Variants in CAMKMT observed in about 807,000 individuals in gnomAD.
CAMKMT encodes the protein calmodulin-lysine N-methyltransferase.
In CAMKMT, 53 loss-of-function variants were observed where a neutral mutation model predicts 48.0. That is an observed-to-expected ratio of 1.10 (90% CI 0.89 to 1.39). The LOEUF (loss-of-function observed/expected upper bound fraction) is 1.39. CAMKMT is among the 40% of genes most tolerant of loss of function. The pLI is 0.00. For synonymous variants in CAMKMT, 165 were observed against 152.3 expected (o/e 1.08, Z -0.61); for missense variants, 428 against 402.7 (o/e 1.06, Z -0.54).
intron 3 of CAMKMT, among the ~76,000 whole-genome samples, chr2:44,584,797 G>T (rs966873245): frequency 6.6e-6 from 1 of 152,096 alleles, no homozygotes; most frequent in Admixed American, 6.5e-5. Context: ...GCTCACACCT[G>T]TAATCCCAGC....
At chr2:44,639,923 C>T (rs967763044) in intron 3 of CAMKMT, among the ~76,000 whole-genome samples, 2 of 152,158 alleles carry the variant, frequency 1.3e-5, no homozygotes, top group Non-Finnish European at 2.9e-5. Flanking sequence ...AACAGCTACC[C>T]TTGACCCCAT....
At chr2:44,738,101 G>A (rs370299543) in intron 7 of CAMKMT, among the ~76,000 whole-genome samples, 10 of 151,986 alleles carry the variant, frequency 6.6e-5, no homozygotes, top group South Asian at 6.2e-4. Context: ...TGATCCACCC[G>A]CCTCAGCCTC....
intron 3 of CAMKMT, among the ~76,000 whole-genome samples, chr2:44,405,321 G>T (rs538907841): frequency 1.3e-5 from 2 of 152,160 alleles, no homozygotes; most frequent in African/African-American, 4.8e-5. Context: ...TAATGGAATT[G>T]TTGGATAAAT....
chr2:44,645,988 A>C (rs1673709189), intron 3 of CAMKMT, among the ~76,000 whole-genome samples: 1 of 152,238 alleles, frequency 6.6e-6, no homozygotes, highest in Non-Finnish European at 1.5e-5. Context: ...ACATTATAGC[A>C]ACACTTATGA....
chr2:44,647,188 A>G (rs1673781852), intron 3 of CAMKMT, among the ~76,000 whole-genome samples: 1 of 152,156 alleles, frequency 6.6e-6, no homozygotes, highest in Non-Finnish European at 1.5e-5. Context: ...AATTGTCAAC[A>G]TTCCTGTGGT....
intron 3 of CAMKMT, among the ~76,000 whole-genome samples, chr2:44,442,348 C>T (rs971944905): frequency 1.3e-5 from 2 of 152,032 alleles, no homozygotes; most frequent in South Asian, 2.1e-4. Flanking sequence ...AAATTATATA[C>T]ATAAAAATGA....
At chr2:44,401,591 G>C (rs1682381868) in intron 3 of CAMKMT, among the ~76,000 whole-genome samples, 1 of 151,918 alleles carries the variant, frequency 6.6e-6, no homozygotes, top group South Asian at 2.1e-4. Flanking sequence ...TAGCTACATT[G>C]CTTCACCAAT....
At chr2:44,589,387 C>T (rs1438501991) in intron 3 of CAMKMT, among the ~76,000 whole-genome samples, 5 of 53,314 alleles carry the variant, frequency 9.4e-5, no homozygotes, top group African/African-American at 3.9e-4. Flanking sequence ...GGAGGTGTGC[C>T]CAGCGGCTCA....
chr2:44,745,935 A>G (rs527831292), intron 8 of CAMKMT, among the ~76,000 whole-genome samples: 3 of 152,192 alleles, frequency 2.0e-5, no homozygotes, highest in Admixed American at 6.5e-5. Flanking sequence ...GAGTTATTGC[A>G]TGGATGCTGC....
At chr2:44,443,391 A>T (rs1666789183) in intron 3 of CAMKMT, among the ~76,000 whole-genome samples, 1 of 152,180 alleles carries the variant, frequency 6.6e-6, no homozygotes, top group Non-Finnish European at 1.5e-5. Context: ...TTACTTGAAA[A>T]AATTACTATT....
chr2:44,388,651 G>A (rs1471056784), intron 2 of CAMKMT, among the ~76,000 whole-genome samples: 5 of 152,144 alleles, frequency 3.3e-5, no homozygotes, highest in African/African-American at 4.8e-5. Context: ...TCAGAGGGAA[G>A]GTCTAGGGCT....
intron 3 of CAMKMT, among the ~76,000 whole-genome samples, chr2:44,673,097 C>T (rs529169175): frequency 1.2e-4 from 18 of 151,914 alleles, no homozygotes; most frequent in African/African-American, 2.9e-4. Context: ...ATTGGCACTA[C>T]GGGCAAAGGA....
chr2:44,574,374 C>G (rs1175753198), intron 3 of CAMKMT, among the ~76,000 whole-genome samples: 1 of 152,014 alleles, frequency 6.6e-6, no homozygotes, highest in Non-Finnish European at 1.5e-5. Context: ...TAGCTGCGGC[C>G]CCTAATTATC....
At chr2:44,625,055 C>A (rs1035542093) in intron 3 of CAMKMT, among the ~76,000 whole-genome samples, 1 of 152,138 alleles carries the variant, frequency 6.6e-6, no homozygotes, top group African/African-American at 2.4e-5. Context: ...ATATGTTTAA[C>A]TTTGTAAGAA....
At chr2:44,635,431 G>C (rs1466161064) in intron 3 of CAMKMT, among the ~76,000 whole-genome samples, 1 of 152,018 alleles carries the variant, frequency 6.6e-6, no homozygotes, top group Non-Finnish European at 1.5e-5. Context: ...GTATATTATT[G>C]TACTGATATA....
At chr2:44,490,732 C>T (rs528697005) in intron 3 of CAMKMT, among the ~76,000 whole-genome samples, 166 of 152,068 alleles carry the variant, frequency 1.1e-3, no homozygotes, top group African/African-American at 3.9e-3. Flanking sequence ...CTCTCCATTC[C>T]AGCCTAATAA....
At chr2:44,612,517 T>C (rs545229271) in intron 3 of CAMKMT, among the ~76,000 whole-genome samples, 7 of 152,348 alleles carry the variant, frequency 4.6e-5, no homozygotes, top group East Asian at 1.9e-4. Flanking sequence ...TCACTCTGAA[T>C]AATATTACAG....
chr2:44,714,506 C>T (rs901262341), intron 6 of CAMKMT, among the ~76,000 whole-genome samples: 1 of 152,180 alleles, frequency 6.6e-6, no homozygotes, highest in African/African-American at 2.4e-5. Flanking sequence ...TTCAGTAATT[C>T]ATTTTCTCTC....
At chr2:44,709,111 C>A (rs1317005251) in intron 6 of CAMKMT, among the ~76,000 whole-genome samples, 1 of 152,122 alleles carries the variant, frequency 6.6e-6, no homozygotes, top group Non-Finnish European at 1.5e-5. Flanking sequence ...GCCATGCCAG[C>A]TTTTGAAATC....
Sources: allele counts gnomAD v4.1 joint callset (sites outside exome capture counted in the v4.1 genomes callset), GRCh38; gene constraint gnomAD v4.1.1; transcripts MANE v1.5; gene names NCBI Gene and HGNC (gene_info 2026-07-23, HGNC 2026-07-21).